The following KIAA1549L variants were observed in gnomAD, a reference collection of about 807,000 sequenced individuals.
KIAA1549L encodes the protein KIAA1549 like.
A neutral mutation model predicts 160.7 loss-of-function variants in KIAA1549L; 88 were observed. That is an observed-to-expected ratio of 0.55 (90% CI 0.46 to 0.65). KIAA1549L has a LOEUF of 0.65. KIAA1549L is among the 30% of genes least tolerant of loss of function. The pLI is 0.00. For synonymous variants in KIAA1549L, 950 were observed against 976.7 expected (o/e 0.97, Z 0.51); for missense variants, 2,258 against 2,437.5 (o/e 0.93, Z 1.55).
intron 1 of KIAA1549L, among the ~76,000 whole-genome samples, chr11:33,522,228 A>T (rs561312712): frequency 1.1e-3 from 167 of 152,344 alleles, no homozygotes; most frequent in African/African-American, 3.7e-3. Flanking sequence ...CAGTTTAATC[A>T]TTCATTCCTA....
chr11:33,444,123 A>C (rs1851563514), intron 1 of KIAA1549L, among the ~76,000 whole-genome samples: 1 of 152,218 alleles, frequency 6.6e-6, no homozygotes, highest in Non-Finnish European at 1.5e-5. Flanking sequence ...AGAAGGGAAA[A>C]TAAATGGGAT....
intron 8 of KIAA1549L, among the ~76,000 whole-genome samples, chr11:33,563,004 A>T (rs766843959): frequency 6.6e-6 from 1 of 151,822 alleles, no homozygotes; most frequent in Non-Finnish European, 1.5e-5. Context: ...TCTTTAAAGG[A>T]CCTGTCTCCA....
At chr11:33,564,500 T>C (rs1191121644) in intron 8 of KIAA1549L, among the ~76,000 whole-genome samples, 1 of 152,262 alleles carries the variant, frequency 6.6e-6, no homozygotes, top group Non-Finnish European at 1.5e-5. Flanking sequence ...AGGTGACTCC[T>C]GAAGTCTCTT....
At position 33,445,988 on chromosome 11, in the gene KIAA1549L, C is replaced by A. The variant is rs147928750; in HGVS notation, c.238+69099C>A. ...AAGTAAATTTCTGTAGTTCATAAGC[C>A]AAAAAATTCTTTTTCATTGATTCAC... On this transcript the variant is annotated intron_variant, in intron 1 of 20. Transcript: ENST00000658780. Among the ~76,000 whole-genome samples the A allele has an allele frequency of 2.9e-3, 444 of 151,976 alleles. 1 individual carries two copies. Among genetic ancestry groups the A allele is most frequent in the African/African-American group, 1.0e-2 (414 of 41,462 alleles).
At chr11:33,640,474 C>T (rs1433784191) in intron 16 of KIAA1549L, among the ~76,000 whole-genome samples, 1 of 152,206 alleles carries the variant, frequency 6.6e-6, no homozygotes, top group African/African-American at 2.4e-5. Context: ...GTCTCCATCA[C>T]GCACACAATC....
chr11:33,466,278 A>C (rs577649317), intron 1 of KIAA1549L, among the ~76,000 whole-genome samples: 3 of 152,352 alleles, frequency 2.0e-5, no homozygotes, highest in Admixed American at 2.0e-4. Flanking sequence ...TTTACAAGAT[A>C]AAAACAACCC....
rs140346834 is a variant in KIAA1549L at position 33,547,152 on chromosome 11, G to A, written c.3386-612G>A. Reference sequence around the variant, plus strand: ...GGGTGAGGGCAATCTCTTCCTCCTTGTCAGATTTCACTCTTGTGATCCTTC... The same window carrying A: ...GGGTGAGGGCAATCTCTTCCTCCTTATCAGATTTCACTCTTGTGATCCTTC... On this transcript the variant is annotated intron_variant, in intron 3 of 20. Transcript: ENST00000658780. Among the ~76,000 whole-genome samples the A allele has an allele frequency of 3.9e-5, 6 of 152,314 alleles. No individual in the cohort carries two copies. The East Asian group carries it at 9.7e-4, about 25-fold the overall frequency.
intron 1 of KIAA1549L, among the ~76,000 whole-genome samples, chr11:33,478,870 A>T (rs545701389): frequency 6.6e-6 from 1 of 152,250 alleles, no homozygotes; most frequent in African/African-American, 2.4e-5. Flanking sequence ...TGACCTCGTG[A>T]TCCACCTGCC....
At chr11:33,623,626 G>C (rs1198884302) in intron 16 of KIAA1549L, among the ~76,000 whole-genome samples, 1 of 152,200 alleles carries the variant, frequency 6.6e-6, no homozygotes, top group African/African-American at 2.4e-5. Flanking sequence ...GTAAAGTCCA[G>C]ATGTCACCAG....
intron 16 of KIAA1549L, among the ~76,000 whole-genome samples, chr11:33,620,837 C>G (rs1210991807): frequency 6.6e-6 from 1 of 151,930 alleles, no homozygotes; most frequent in African/African-American, 2.4e-5. Context: ...AAAACATGGA[C>G]CAGCAAATAA....
At chr11:33,415,639 C>T (rs778896814) in intron 1 of KIAA1549L, among the ~76,000 whole-genome samples, 10 of 152,022 alleles carry the variant, frequency 6.6e-5, no homozygotes, top group Non-Finnish European at 8.8e-5. Flanking sequence ...GTCTGTACTG[C>T]GCAGGTGGAT....
chr11:33,425,341 C>A (rs1254793741), intron 1 of KIAA1549L, among the ~76,000 whole-genome samples: 1 of 152,170 alleles, frequency 6.6e-6, no homozygotes, highest in Non-Finnish European at 1.5e-5. Context: ...CTGATTTGTT[C>A]TCTGTACTTG....
chr11:33,576,849 TG>T (rs1169282167), intron 10 of KIAA1549L, among the ~76,000 whole-genome samples: 1 of 152,138 alleles, frequency 6.6e-6, no homozygotes, highest in African/African-American at 2.4e-5. Context: ...GAGATGGAAC[TG>T]GGAGTTTGGT....
At position 33,464,679 on chromosome 11, in the gene KIAA1549L, C is replaced by T. The variant is rs1432417805; in HGVS notation, c.239-77123C>T. On this transcript the variant is annotated intron_variant, in intron 1 of 20. Transcript: ENST00000658780. ...TTAAATTCCCTCTCCATACCACAGCCAGTGTGGTGTTTCTAGATCCACATC... is the reference window on the plus strand; with the variant it reads ...TTAAATTCCCTCTCCATACCACAGCTAGTGTGGTGTTTCTAGATCCACATC... Among the ~76,000 whole-genome samples the T allele has an allele frequency of 2.6e-5, 4 of 152,104 alleles. No individual in the cohort carries two copies. In the East Asian group the frequency reaches 7.7e-4, roughly 29 times the overall value.
At chr11:33,536,841 A>G (rs1029021714) in intron 1 of KIAA1549L, among the ~76,000 whole-genome samples, 3 of 152,202 alleles carry the variant, frequency 2.0e-5, no homozygotes, top group Admixed American at 2.0e-4. Flanking sequence ...TTGAGCCTGG[A>G]CCACTGCAGG....
At chr11:33,469,106 G>A (rs1852122372) in intron 1 of KIAA1549L, among the ~76,000 whole-genome samples, 1 of 152,062 alleles carries the variant, frequency 6.6e-6, no homozygotes, top group Non-Finnish European at 1.5e-5. Flanking sequence ...TTTAGTGTAT[G>A]TGCAGAGTTG....
At chr11:33,528,278 A>G (rs542064425) in intron 1 of KIAA1549L, among the ~76,000 whole-genome samples, 2 of 152,340 alleles carry the variant, frequency 1.3e-5, no homozygotes, top group Admixed American at 1.3e-4. Context: ...ACAATGCAAT[A>G]CCACCTTACT....
At chr11:33,397,710 TCACACACACACACACACACACA>T (rs71034679) in intron 1 of KIAA1549L, among the ~76,000 whole-genome samples, 4 of 142,944 alleles carry the variant, frequency 2.8e-5, no homozygotes, top group African/African-American at 5.3e-5. Context: ...AGACTCCATC[TCACACACACACACACACACACA>T]CACACACACA....
chr11:33,466,758 C>G (rs1852067355), intron 1 of KIAA1549L, among the ~76,000 whole-genome samples: 1 of 152,086 alleles, frequency 6.6e-6, no homozygotes, highest in African/African-American at 2.4e-5. Context: ...GAAAATGTGG[C>G]ACATATACAC....
Sources: allele counts gnomAD v4.1 joint callset (sites outside exome capture counted in the v4.1 genomes callset), GRCh38; gene constraint gnomAD v4.1.1; transcripts MANE v1.5; gene names NCBI Gene and HGNC (gene_info 2026-07-23, HGNC 2026-07-21).